FANCL: variants seen among roughly 807,000 people sequenced by gnomAD.
The protein encoded by FANCL is E3 ubiquitin-protein ligase FANCL.
In FANCL, 69 loss-of-function variants were observed where a neutral mutation model predicts 59.4. That is an observed-to-expected ratio of 1.16 (90% CI 0.96 to 1.42). The LOEUF (loss-of-function observed/expected upper bound fraction) is 1.42, where lower values mean the gene tolerates loss of function less well. Ranked by LOEUF, FANCL falls within the 40% of genes most tolerant of loss-of-function variation. The probability of loss-of-function intolerance (pLI) is 0.00; values close to 1 mark genes in which losing one functional copy is unlikely to be tolerated. For synonymous variants in FANCL, 180 were observed against 147.1 expected, an observed-to-expected ratio of 1.22 and a Z score of -1.62; for missense variants, 519 against 447.2, an observed-to-expected ratio of 1.16 and a Z score of -1.45.
At chr2:58,235,356 C>G (rs530486437) in intron 1 of FANCL, among the ~76,000 whole-genome samples, 39 of 152,150 alleles carry the variant, frequency 2.6e-4, no homozygotes, top group Admixed American at 3.9e-4. Context: ...TTCCAACCAG[C>G]CAGAGTGGAA....
chr2:58,178,277 A>G (rs1210909800), intron 7 of FANCL, among the ~76,000 whole-genome samples: 1 of 152,134 alleles, frequency 6.6e-6, no homozygotes, highest in East Asian at 1.9e-4. Context: ...AGGAGGCACA[A>G]CAGAAAAAGA....
rs368750557 is a variant in FANCL at position 58,227,956 on chromosome 2, T to G, written c.217-1172A>C. 3.2e-4 allele frequency among the ~76,000 whole-genome samples: 49 copies of G among 152,122 alleles called. No individual in the cohort carries two copies. In the South Asian group the frequency reaches 9.6e-3, roughly 30 times the overall value. ...GAAAAAAAAAGAGAAAGAAGAGGTA[T>G]AGGAGTGATGTGAGTGGGAAGAGGA... On this transcript the variant is annotated intron_variant, in intron 3 of 13. Coordinates refer to ENST00000233741, the MANE Select transcript of FANCL (RefSeq NM_018062.4).
chr2:58,161,906 A>C (rs912579970), intron 11 of FANCL, among the ~76,000 whole-genome samples: 12 of 151,964 alleles, frequency 7.9e-5, no homozygotes, highest in African/African-American at 2.7e-4. Flanking sequence ...AGTTTTTATA[A>C]AGGTGACTAT....
At chr2:58,202,885 A>G (rs1329978730) in intron 6 of FANCL, among the ~76,000 whole-genome samples, 1 of 151,840 alleles carries the variant, frequency 6.6e-6, no homozygotes, top group Non-Finnish European at 1.5e-5. Flanking sequence ...TGTATTTAAA[A>G]TCTTTAGTTT....
At chr2:58,172,956 C>A (rs1204593820) in intron 7 of FANCL, among the ~76,000 whole-genome samples, 1 of 152,168 alleles carries the variant, frequency 6.6e-6, no homozygotes, top group Non-Finnish European at 1.5e-5. Flanking sequence ...GCTGATGGAG[C>A]TGAAAGCCAA....
chr2:58,194,323 A>G (rs1442649297), intron 7 of FANCL: 1 of 470,522 alleles, frequency 2.1e-6, no homozygotes. Context: ...CAGTGCACTT[A>G]AAATCTGACA....
intron 7 of FANCL, among the ~76,000 whole-genome samples, chr2:58,195,105 A>G (rs950271348): frequency 1.3e-5 from 2 of 152,136 alleles, no homozygotes; most frequent in African/African-American, 4.8e-5. Context: ...ATTGCTTGAG[A>G]GACAACTGTT....
At chr2:58,239,340 T>TA (rs568129860) in intron 1 of FANCL, among the ~76,000 whole-genome samples, 61 of 152,298 alleles carry the variant, frequency 4.0e-4, no homozygotes, top group African/African-American at 1.4e-3. Context: ...AATCTTTCTG[T>TA]AGTATCCCTG....
chr2:58,207,919 C>T (rs1690753630), intron 5 of FANCL, among the ~76,000 whole-genome samples: 1 of 152,110 alleles, frequency 6.6e-6, no homozygotes, highest in African/African-American at 2.4e-5. Flanking sequence ...ACTAACTCGT[C>T]ATGGTGGCGT....
intron 5 of FANCL, among the ~76,000 whole-genome samples, chr2:58,215,929 C>T (rs1274103078): frequency 6.6e-6 from 1 of 151,764 alleles, no homozygotes; most frequent in Non-Finnish European, 1.5e-5. Context: ...GTTCATAATA[C>T]AAGGAGAAAT....
At chr2:58,171,354 G>C (rs925153279) in intron 7 of FANCL, among the ~76,000 whole-genome samples, 22 of 152,192 alleles carry the variant, frequency 1.4e-4, no homozygotes, top group Admixed American at 2.6e-4. Flanking sequence ...CAATGTACCA[G>C]AATCTCTGGG....
intron 2 of FANCL, 143 bp from the exon 3 acceptor site, chr2:58,230,017 G>T: frequency 1.6e-6 from 1 of 640,212 alleles, no homozygotes; most frequent in Non-Finnish European, 2.8e-6. Flanking sequence ...CACTGATACT[G>T]TTCAAAGTCT....
chr2:58,173,660 C>T (rs1191484272), intron 7 of FANCL, among the ~76,000 whole-genome samples: 22 of 152,074 alleles, frequency 1.4e-4, no homozygotes, highest in Admixed American at 3.3e-4. Flanking sequence ...AAGGAACAAC[C>T]GGTACCAGCC....
chr2:58,241,310 C>G lies in FANCL; in HGVS notation c.4G>C (p.Ala2Pro). Residue 2 changes from alanine (A) to proline (P), a missense_variant, in exon 1 of 14, where the codon GCG becomes CCG. Transcript: ENST00000233741. Reference protein sequence around the residue: MAVTEASLLRQC... With the variant: MPVTEASLLRQC... ...CGCAACAGGCTCGCTTCCGTCACCG[C>G]CATGGCTCGAAGTCCGGAGAAACAC... is the stretch of plus-strand genomic sequence containing the variant. 2 of 1,614,138 alleles carry G rather than the reference C, an allele frequency of 1.2e-6. No homozygotes were observed. The highest frequency in any genetic ancestry group is 1.7e-6 in the Non-Finnish European group (2 of 1,180,016).
At chr2:58,164,395 AAAT>A (rs1685658355) in intron 8 of FANCL, among the ~76,000 whole-genome samples, 1 of 152,034 alleles carries the variant, frequency 6.6e-6, no homozygotes, top group Non-Finnish European at 1.5e-5. Flanking sequence ...TCAATGAGAC[AAAT>A]AAAAATACAA....
chr2:58,235,112 G>A (rs1052738179), intron 1 of FANCL, among the ~76,000 whole-genome samples: 1 of 151,866 alleles, frequency 6.6e-6, no homozygotes, highest in Non-Finnish European at 1.5e-5. Flanking sequence ...TGATCAAGGG[G>A]AGGCCAACAA....
chr2:58,212,287 C>T (rs1017134997), intron 5 of FANCL, among the ~76,000 whole-genome samples: 4 of 152,104 alleles, frequency 2.6e-5, no homozygotes, highest in African/African-American at 9.7e-5. Context: ...ATCAGATCTC[C>T]TAAGACTTAT....
In FANCL at chr2:58,224,214, CATG is replaced by C. The variant is rs986402036; in HGVS notation, c.274-2175_274-2173del. Among the ~76,000 whole-genome samples, 22 of 151,878 alleles carry C rather than the reference CATG, an allele frequency of 1.4e-4. No homozygotes were observed. In the Middle Eastern group the frequency reaches 0.01, roughly 70 times the overall value. ...TTTTGATAAGAAGAGTTTAATGGGACATGATATCTATACTTTTACTCTGGTTCC... is the reference window on the plus strand; with the variant it reads ...TTTTGATAAGAAGAGTTTAATGGGACATATCTATACTTTTACTCTGGTTCC... On this transcript the variant is annotated intron_variant, in intron 4 of 13. Transcript: ENST00000233741.
In FANCL at chr2:58,226,768, G is replaced by C. The variant is rs746508342; in HGVS notation, c.233C>G (p.Pro78Arg). 8 of 1,612,860 alleles carry C rather than the reference G, an allele frequency of 5.0e-6. No individual in the cohort carries two copies. The highest frequency in any genetic ancestry group is 1.6e-4 in the Middle Eastern group (1 of 6,072). The change falls in exon 4 of 14, where the codon CCT (proline) becomes CGT (arginine). Residue 78 changes from proline (P) to arginine (R), a missense_variant. By Grantham distance (103) the Pro-to-Arg change is moderately radical (BLOSUM62 -2). Coordinates refer to ENST00000233741, the MANE Select transcript of FANCL (RefSeq NM_018062.4). Reference protein sequence around the residue: ...RIVQQRMQHSPDLMSFMMELK... With the variant: ...RIVQQRMQHSRDLMSFMMELK... ...CTCCATCATAAAGCTCATTAGATCA[G>C]GAGAGTGCTGCATTCTCTAGATCAA...
Sources: allele counts gnomAD v4.1 joint callset (sites outside exome capture counted in the v4.1 genomes callset), GRCh38; gene constraint gnomAD v4.1.1; transcripts MANE v1.5; gene names NCBI Gene and HGNC (gene_info 2026-07-23, HGNC 2026-07-21).